Variants in MPP7 observed in about 807,000 individuals in gnomAD.
The protein encoded by MPP7 is MAGUK p55 scaffold protein 7.
A neutral mutation model predicts 76.5 loss-of-function variants in MPP7; 60 were observed. The observed-to-expected ratio is 0.78, with a 90% CI of 0.64 to 0.97. The LOEUF (loss-of-function observed/expected upper bound fraction) is 0.97, where lower values mean the gene tolerates loss of function less well. MPP7 is among the 50% of genes least tolerant of loss of function. MPP7 has a pLI of 0.00. For synonymous variants in MPP7, 237 were observed against 244.5 expected (o/e 0.97, Z 0.29); for missense variants, 641 against 694.0 (o/e 0.92, Z 0.86).
At chr10:28,200,358 T>C (rs1240940613) in intron 3 of MPP7, among the ~76,000 whole-genome samples, 2 of 152,196 alleles carry the variant, frequency 1.3e-5, no homozygotes. Context: ...GAAAATACAT[T>C]TTACAGCAAT....
Position 28,238,699 on chromosome 10 carries a change from G to T in MPP7, c.-95C>A. On this transcript the variant is annotated 5_prime_UTR_variant, in exon 2 of 17. Transcript: ENST00000683449. Reference sequence around the variant, plus strand: ...TTCCAATTCAACAGCCTGCAGCCACGTTGTCTACCAAGATCTGTATATTTT... The same window carrying T: ...TTCCAATTCAACAGCCTGCAGCCACTTTGTCTACCAAGATCTGTATATTTT... 1 of 1,212,854 alleles carries T rather than the reference G, an allele frequency of 8.2e-7. No individual in the cohort carries two copies. The allele number at this position is 1,212,854 out of a possible 1,614,324, so 75.1% of individuals were successfully genotyped here.
Position 28,129,606 on chromosome 10 carries a change from T to C in MPP7, c.447+1954A>G, listed in dbSNP as rs954651894. Among the ~76,000 whole-genome samples the C allele has an allele frequency of 2.6e-5, 4 of 151,158 alleles. No individual in the cohort carries two copies. In the South Asian group the frequency reaches 8.3e-4, roughly 31 times the overall value. The stretch of plus-strand genomic sequence containing the variant: ...CCGTCTCAAAAAAAAAAAAAAAATT[T>C]ACTTTATTTATTTCCTATAAACTGC... On this transcript the variant is annotated intron_variant, in intron 6 of 16. Transcript: ENST00000683449.
chr10:28,130,814 A>C (rs1835168394), intron 6 of MPP7, among the ~76,000 whole-genome samples: 1 of 152,206 alleles, frequency 6.6e-6, no homozygotes, highest in Admixed American at 6.5e-5. Context: ...ATCTTACTTT[A>C]CCTTAACAAT....
At chr10:28,099,288 G>A (rs542291483) in intron 11 of MPP7, among the ~76,000 whole-genome samples, 101 of 152,170 alleles carry the variant, frequency 6.6e-4, no homozygotes, top group African/African-American at 2.3e-3. Context: ...ATACTACTAC[G>A]TTACCACCTG....
At chr10:28,279,524 G>A (rs530468640) in intron 1 of MPP7, among the ~76,000 whole-genome samples, 3 of 151,868 alleles carry the variant, frequency 2.0e-5, no homozygotes, top group African/African-American at 7.3e-5. Flanking sequence ...AGGTCAGGAT[G>A]GCGAAACCCC....
At chr10:28,177,075 GACTAAAACT>G (rs1836891409) in intron 3 of MPP7, among the ~76,000 whole-genome samples, 1 of 151,060 alleles carries the variant, frequency 6.6e-6, no homozygotes, top group Admixed American at 6.6e-5. Flanking sequence ...AATTGCAGTG[GACTAAAACT>G]CATCAAATAT....
At chr10:28,258,692 G>A (rs774547876) in intron 1 of MPP7, among the ~76,000 whole-genome samples, 21 of 151,744 alleles carry the variant, frequency 1.4e-4, no homozygotes, top group Non-Finnish European at 2.5e-4. Context: ...GAGCCACCGC[G>A]CCTGGCCTAA....
chr10:28,126,437 C>A (rs1271461039), intron 6 of MPP7, among the ~76,000 whole-genome samples: 1 of 152,200 alleles, frequency 6.6e-6, no homozygotes, highest in Non-Finnish European at 1.5e-5. Context: ...GCCTAGTAAT[C>A]TAAGTTTACT....
chr10:28,185,594 C>T (rs1837209924), intron 3 of MPP7, among the ~76,000 whole-genome samples: 1 of 152,166 alleles, frequency 6.6e-6, no homozygotes, highest in African/African-American at 2.4e-5. Flanking sequence ...TACCTGTCTC[C>T]TTCAGCCATA....
intron 1 of MPP7, among the ~76,000 whole-genome samples, chr10:28,273,976 A>AACAC: frequency 6.6e-6 from 1 of 151,492 alleles, no homozygotes; most frequent in East Asian, 2.0e-4. Flanking sequence ...AAAACAAACA[A>AACAC]AGGCTGGGCA....
intron 11 of MPP7, among the ~76,000 whole-genome samples, chr10:28,106,780 C>T: frequency 6.6e-6 from 1 of 152,172 alleles, no homozygotes. Flanking sequence ...TGCAATTTGG[C>T]TTCCGGTGAA....
chr10:28,151,070 G>T (rs1282902041), intron 3 of MPP7, among the ~76,000 whole-genome samples: 1 of 152,100 alleles, frequency 6.6e-6, no homozygotes, highest in African/African-American at 2.4e-5. Flanking sequence ...TCTTTAACAG[G>T]TATCAAGTAA....
chr10:28,268,037 C>CA (rs1844195619), intron 1 of MPP7, among the ~76,000 whole-genome samples: 1 of 151,054 alleles, frequency 6.6e-6, no homozygotes, highest in Admixed American at 6.6e-5. Context: ...CACCCTGCCT[C>CA]AAAAAACAAA....
intron 3 of MPP7, among the ~76,000 whole-genome samples, chr10:28,181,759 C>A (rs1241360145): frequency 6.6e-6 from 1 of 152,146 alleles, no homozygotes; most frequent in Admixed American, 6.6e-5. Flanking sequence ...AACAACTATA[C>A]CCATAATTAG....
At chr10:28,150,118 C>T in intron 3 of MPP7, 59 bp from the exon 4 acceptor site, 1 of 1,190,962 alleles carries the variant, frequency 8.4e-7, no homozygotes, top group South Asian at 1.3e-5. Context: ...CAGATAGCTG[C>T]ACATTTTTAT....
rs116062226 is a variant in MPP7 at position 28,086,991 on chromosome 10, T to C, written c.1123+2680A>G. On this transcript the variant is annotated intron_variant, in intron 12 of 16. Transcript: ENST00000683449. The stretch of plus-strand genomic sequence containing the variant: ...TTTTTCCCTCTAGCTATAGTCTCGA[T>C]GTTTGTCCCCCCAAATTGCGTGTTG... 3.3e-3 allele frequency among the ~76,000 whole-genome samples: 499 copies of C among 152,308 alleles called. 2 individuals are homozygous for C. The highest frequency in any genetic ancestry group is 0.011 in the African/African-American group (470 of 41,570).
intron 1 of MPP7, among the ~76,000 whole-genome samples, chr10:28,242,715 A>T (rs1339713069): frequency 1.3e-5 from 2 of 152,228 alleles, no homozygotes; most frequent in African/African-American, 4.8e-5. Flanking sequence ...GTGAAAAGCA[A>T]TGGTCACAGT....
At chr10:28,308,216 C>T (rs139499818) in intron 2 of MPP7, among the ~76,000 whole-genome samples, 264 of 152,348 alleles carry the variant, frequency 1.7e-3, no homozygotes, top group African/African-American at 6.0e-3. Context: ...TTCATCCATA[C>T]TTTACGCCCA....
intron 1 of MPP7, among the ~76,000 whole-genome samples, chr10:28,287,153 AAAT>A (rs1027564749): frequency 3.9e-5 from 6 of 152,238 alleles, no homozygotes; most frequent in Admixed American, 2.6e-4. Flanking sequence ...CTTCAAAAAA[AAAT>A]AATAACTGAC....
Sources: gnomAD v4.1 joint callset for allele counts (sites outside exome capture counted in the v4.1 genomes callset) on GRCh38, gnomAD v4.1.1 for gene constraint, MANE v1.5 for transcripts, NCBI Gene and HGNC (gene_info 2026-07-23, HGNC 2026-07-21) for gene names.